OTULIN: variants seen among roughly 807,000 people sequenced by gnomAD.
OTULIN encodes the protein ubiquitin thioesterase otulin.
OTULIN carries 15 observed loss-of-function variants against 39.6 expected under a neutral mutation model. The observed-to-expected ratio is 0.38, with a 90% CI of 0.25 to 0.58. The LOEUF (loss-of-function observed/expected upper bound fraction) is 0.58. Among genes scored for constraint, OTULIN ranks in the 20% least tolerant of loss-of-function variants. OTULIN has a pLI of 0.66. For synonymous variants in OTULIN, 156 were observed against 170.3 expected, an observed-to-expected ratio of 0.92 and a Z score of 0.65; for missense variants, 319 against 445.9, an observed-to-expected ratio of 0.72 and a Z score of 2.56.
chr5:14,694,462 A>G lies in OTULIN; in HGVS notation c.*1414A>G, dbSNP rs1736615562. On this transcript the variant is annotated 3_prime_UTR_variant, in exon 7 of 7. Transcript: ENST00000284274. ...TTGGCTCAACGTTTGTGGAGGTGGT[A>G]TTTCCCTGAAGTACTGAGCTTTGTT... 2 of 152,226 alleles carry G rather than the reference A, an allele frequency of 1.3e-5. No individual in the cohort carries two copies. The highest frequency in any genetic ancestry group is 2.1e-4 in the South Asian group (1 of 4,832). The allele number at this position is 152,226 out of a possible 1,614,324, so 9.4% of individuals were successfully genotyped here.
At chr5:14,699,892 TTAAACTC>T (rs1302911932), downstream of OTULIN, among the ~76,000 whole-genome samples, 19 of 152,202 alleles carry the variant, frequency 1.2e-4, 1 homozygote, top group Admixed American at 1.2e-3. Flanking sequence ...GCCTCTGACA[TTAAACTC>T]TCCCTAGTTG....
chr5:14,689,983 A>G, intron 5 of OTULIN, 56 bp from the exon 6 acceptor site: 2 of 1,562,014 alleles, frequency 1.3e-6, no homozygotes, highest in Non-Finnish European at 1.7e-6. Context: ...GTATGGTACT[A>G]TACCAGGGAT....
At chr5:14,674,246 G>A (rs1378103495) in intron 2 of OTULIN, 3 of 152,992 alleles carry the variant, frequency 2.0e-5, no homozygotes, top group South Asian at 2.1e-4. Flanking sequence ...GCCGGAGTGA[G>A]GTGTTACTCC....
intron 4 of OTULIN, among the ~76,000 whole-genome samples, chr5:14,684,779 ACTGAG>A (rs1736343601): frequency 6.6e-6 from 1 of 152,190 alleles, no homozygotes; most frequent in African/African-American, 2.4e-5. Context: ...GGAAAGCTAG[ACTGAG>A]TGACCCTCCC....
intron 4 of OTULIN, among the ~76,000 whole-genome samples, chr5:14,681,866 T>G (rs1380672745): frequency 6.6e-6 from 1 of 152,238 alleles, no homozygotes. Context: ...ATAAAGCACT[T>G]AGGAACAGTT....
At chr5:14,702,564 G>A (rs992044630), downstream of OTULIN, among the ~76,000 whole-genome samples, 1 of 152,172 alleles carries the variant, frequency 6.6e-6, no homozygotes, top group Non-Finnish European at 1.5e-5. Flanking sequence ...GAAGAACCGG[G>A]CGAGGTTAGG....
At position 14,664,759 on chromosome 5, in the gene OTULIN, G is replaced by T; in HGVS notation, c.-67G>T. 4 of 1,103,356 alleles carry T rather than the reference G, an allele frequency of 3.6e-6. No individual in the cohort carries two copies. The highest frequency in any genetic ancestry group is 4.4e-6 in the Non-Finnish European group (4 of 904,782). 68.3% of individuals were successfully genotyped at this position (1,103,356 alleles called of 1,614,324 possible). A position where few individuals can be genotyped will look rare whatever the true frequency, so the allele number is the denominator to read the frequency against. On this transcript the variant is annotated 5_prime_UTR_variant, in exon 1 of 7. Transcript: ENST00000284274. The stretch of plus-strand genomic sequence containing the variant: ...GCTGAGAGGCTGCGGCCACTGCCTG[G>T]CACCCCGACGGGAGGGGCTCCGGAT...
chr5:14,710,936 G>A, the OTULIN span: 1 of 453,538 alleles, frequency 2.2e-6, no homozygotes, highest in Middle Eastern at 6.5e-4. Context: ...TGTCTTTTGG[G>A]TTTTCGTGAG....
Position 14,687,618 on chromosome 5 carries a change from A to C in OTULIN, c.566A>C (p.Lys189Thr), listed in dbSNP as rs775399166. Residue 189 changes from lysine to threonine, a missense_variant, in exon 5 of 7, where the codon AAA (lysine) becomes ACA (threonine). Physicochemically the swap from Lys to Thr is moderately conservative, Grantham distance 78. Around this residue, in one of 4 missense-constraint regions of OTULIN, gnomAD observed 54 missense variants for 50.7 expected, o/e 1.07. Transcript: ENST00000284274. ...GKNEDLVDKI[K>T]ESLTLLRKKW... is the part of the protein sequence containing the mutation. The stretch of plus-strand genomic sequence containing the variant: ...AATGAGGACCTGGTTGATAAAATTA[A>C]AGAGTCCCTTACTCTGCTGAGGAAG... 7.4e-6 allele frequency: 12 copies of C among 1,614,020 alleles called. 1 individual carries two copies. The South Asian group carries it at 1.3e-4, about 18-fold the overall frequency.
chr5:14,701,937 G>C (rs193149115), downstream of OTULIN, among the ~76,000 whole-genome samples: 44 of 152,296 alleles, frequency 2.9e-4, no homozygotes, highest in African/African-American at 7.7e-4. Context: ...TGCTGAGAAT[G>C]GGTGTGTGGG....
downstream of OTULIN, among the ~76,000 whole-genome samples, chr5:14,704,221 T>C (rs1349185553): frequency 1.4e-5 from 2 of 146,584 alleles, no homozygotes; most frequent in Admixed American, 7.1e-5. Flanking sequence ...TCCCAGCTAC[T>C]CGGGAGGCTG....
At chr5:14,684,454 A>C (rs1736334529) in intron 4 of OTULIN, among the ~76,000 whole-genome samples, 1 of 152,236 alleles carries the variant, frequency 6.6e-6, no homozygotes, top group Admixed American at 6.5e-5. Context: ...CCAGTGAAGG[A>C]AGGAAGGGAC....
rs2126348750 is a variant in OTULIN, at chr5:14,695,509, A to G, written c.*2461A>G. ...ATCCCAGAGTGTCTTGCAAGAGTTT[A>G]GGAGTTTTGGACCCTGTGTATTGGC... is the stretch of plus-strand genomic sequence containing the variant. On this transcript the variant is annotated 3_prime_UTR_variant, in exon 7 of 7. Coordinates refer to ENST00000284274, the MANE Select transcript of OTULIN (RefSeq NM_138348.6). 6.6e-6 allele frequency: 1 copy of G among 152,352 alleles called. No homozygotes were observed. Among genetic ancestry groups the G allele is most frequent in the Admixed American group, 6.5e-5 (1 of 15,310 alleles). 9.4% of individuals were successfully genotyped at this position (152,352 alleles called of 1,614,324 possible).
chr5:14,696,465 C>T lies in OTULIN; in HGVS notation c.*3417C>T. 6.6e-6 allele frequency: 1 copy of T among 152,256 alleles called. No homozygotes were observed. The highest frequency in any genetic ancestry group is 1.5e-5 in the Non-Finnish European group (1 of 68,028). 9.4% of individuals were successfully genotyped at this position (152,256 alleles called of 1,614,324 possible). A position where few individuals can be genotyped will look rare whatever the true frequency, so the allele number is the denominator to read the frequency against. On this transcript the variant is annotated 3_prime_UTR_variant, in exon 7 of 7. Coordinates refer to ENST00000284274, the MANE Select transcript of OTULIN (RefSeq NM_138348.6). ...GATCTGTGAGTACTTAAAAAGAAAG[C>T]CCTCAGTGTGTGTGAAGTGAATGTG... is the stretch of plus-strand genomic sequence containing the variant.
chr5:14,696,186 A>C lies in OTULIN; in HGVS notation c.*3138A>C, dbSNP rs1178664363. 2 of 152,118 alleles carry C rather than the reference A, an allele frequency of 1.3e-5. No individual in the cohort carries two copies. The highest frequency in any genetic ancestry group is 2.4e-5 in the African/African-American group (1 of 41,420). The allele number at this position is 152,118 out of a possible 1,614,324, so 9.4% of individuals were successfully genotyped here. A position where few individuals can be genotyped will look rare whatever the true frequency, so the allele number is the denominator to read the frequency against. ...CTAGGAGTTAGTCTGCTTTCTGAGG[A>C]TCTTTTAGAGAGAGGCTGTGAAGTG... On this transcript the variant is annotated 3_prime_UTR_variant, in exon 7 of 7. Transcript: ENST00000284274.
the OTULIN span, among the ~76,000 whole-genome samples, chr5:14,711,480 T>C: frequency 6.6e-6 from 1 of 152,150 alleles, no homozygotes; most frequent in Non-Finnish European, 1.5e-5. Context: ...AGTGTGTTCC[T>C]TGCAGTTTGG....
chr5:14,713,172 CTCCCACAGCACATGGA>C, the OTULIN span, among the ~76,000 whole-genome samples: 1 of 152,190 alleles, frequency 6.6e-6, no homozygotes, highest in Non-Finnish European at 1.5e-5. This position sits in a 1 kb window ranked among gnomAD's most constrained non-coding sequence, Gnocchi z 4.4. Context: ...GGCCACCTCC[CTCCCACAGCACATGGA>C]TCCCACAGCC....
chr5:14,670,823 T>C (rs1379944546), intron 1 of OTULIN, among the ~76,000 whole-genome samples: 1 of 151,990 alleles, frequency 6.6e-6, no homozygotes, highest in African/African-American at 2.4e-5. Context: ...CAGGCTGGTA[T>C]TGAACTCCTG....
rs542384052 is a variant in OTULIN, at chr5:14,690,677, A to G, written c.864+369A>G. Among the ~76,000 whole-genome samples the G allele has an allele frequency of 2.0e-5, 3 of 152,304 alleles. No homozygotes were observed. The highest frequency in any genetic ancestry group is 7.2e-5 in the African/African-American group (3 of 41,560). On this transcript the variant is annotated intron_variant, in intron 6 of 6. Coordinates refer to ENST00000284274, the MANE Select transcript of OTULIN (RefSeq NM_138348.6). The surrounding 1 kb of genome is among the most constrained non-coding windows in gnomAD (Gnocchi z 4.5). ...TAAGCAGTGAGCAAGAAAGAAGCCA[A>G]AATGCCTTTTATGACCTAATCTAGG... is the stretch of plus-strand genomic sequence containing the variant.
Sources: gnomAD v4.1 joint callset for allele counts (sites outside exome capture counted in the v4.1 genomes callset) on GRCh38, gnomAD v4.1.1 for gene constraint, gnomAD v4.1.1 regional missense constraint, Gnocchi (gnomAD v3.1) non-coding constraint, MANE v1.5 for transcripts, NCBI Gene and HGNC (gene_info 2026-07-23, HGNC 2026-07-21) for gene names.